The following SOHLH2 variants were observed in gnomAD, a reference collection of about 807,000 sequenced individuals.
SOHLH2 encodes the protein spermatogenesis and oogenesis specific basic helix-loop-helix 2, also known as spermatogenesis- and oogenesis-specific basic helix-loop-helix-containing protein 2.
In SOHLH2, 22 loss-of-function variants were observed where a neutral mutation model predicts 50.4. The ratio of observed to expected loss-of-function variants is 0.44; its 90% confidence interval spans 0.31 to 0.62. The LOEUF (loss-of-function observed/expected upper bound fraction) is 0.62. Ranked by LOEUF, SOHLH2 falls within the 20% of genes least tolerant of loss-of-function variation. SOHLH2 has a pLI of 0.08. For missense variants in SOHLH2, 412 were observed against 504.4 expected (o/e 0.82, Z 1.76); for synonymous variants, 185 against 187.3 (o/e 0.99, Z 0.10).
intron 6 of SOHLH2, among the ~76,000 whole-genome samples, chr13:36,177,251 A>G (rs1272624390): frequency 6.6e-6 from 1 of 152,124 alleles, no homozygotes; most frequent in African/African-American, 2.4e-5. Context: ...CCATATCAGC[A>G]GTTTGCTCCT....
chr13:36,184,460 C>CTTTTT lies in SOHLH2; in HGVS notation c.641+5481_641+5485dup, dbSNP rs1229884029. ...GATGGAAGTTTCTACCTACAAAGAC[C>CTTTTT]TTTTTTTTTTTTTTTTTTTGAGACG... is the stretch of plus-strand genomic sequence containing the variant. On this transcript the variant is annotated intron_variant, in intron 6 of 10. Transcript: ENST00000379881. Among the ~76,000 whole-genome samples the CTTTTT allele has an allele frequency of 2.8e-3, 344 of 121,082 alleles. 32 individuals carry two copies. Among genetic ancestry groups the CTTTTT allele is most frequent in the African/African-American group, 8.6e-3 (279 of 32,294 alleles). The allele number at this position is 121,082 out of a possible 152,430, so 79.4% of individuals were successfully genotyped here.
At chr13:36,191,450 G>C (rs964590774) in intron 5 of SOHLH2, among the ~76,000 whole-genome samples, 1 of 152,100 alleles carries the variant, frequency 6.6e-6, no homozygotes, top group African/African-American at 2.4e-5. Context: ...AAATATTGGG[G>C]TTCCATGTAA....
intron 1 of SOHLH2, among the ~76,000 whole-genome samples, chr13:36,203,202 A>G (rs1868531858): frequency 6.6e-6 from 1 of 152,200 alleles, no homozygotes; most frequent in South Asian, 2.1e-4. Context: ...TCAAACATAT[A>G]AGTACGATAC....
chr13:36,173,664 A>G (rs746736095), intron 9 of SOHLH2, 28 bp downstream of exon 9: 136 of 1,611,874 alleles, frequency 8.4e-5, no homozygotes, highest in Non-Finnish European at 1.0e-4. Flanking sequence ...TCCCCCTCTA[A>G]GTGGCACAGA....
intron 2 of SOHLH2, among the ~76,000 whole-genome samples, chr13:36,200,297 GT>G (rs1296455292): frequency 2.0e-5 from 3 of 152,130 alleles, no homozygotes; most frequent in Non-Finnish European, 2.9e-5. Flanking sequence ...TTTACAACAG[GT>G]TTTAGAAGTG....
intron 6 of SOHLH2, among the ~76,000 whole-genome samples, chr13:36,176,992 T>C (rs911846075): frequency 1.3e-5 from 2 of 152,026 alleles, no homozygotes; most frequent in Non-Finnish European, 2.9e-5. Flanking sequence ...ATTTGAAATA[T>C]ATATGTAACG....
intron 1 of SOHLH2, among the ~76,000 whole-genome samples, chr13:36,210,521 T>G (rs1273022431): frequency 6.6e-6 from 1 of 152,186 alleles, no homozygotes; most frequent in African/African-American, 2.4e-5. Context: ...ATTTGGTTGT[T>G]GTATCTCCTT....
intron 1 of SOHLH2, among the ~76,000 whole-genome samples, chr13:36,212,057 G>C (rs1254922072): frequency 6.6e-6 from 1 of 152,034 alleles, no homozygotes; most frequent in African/African-American, 2.4e-5. Flanking sequence ...AGAATCTCTC[G>C]GCCTTTTGGG....
At chr13:36,200,976 G>A (rs988661060) in intron 2 of SOHLH2, among the ~76,000 whole-genome samples, 3 of 150,234 alleles carry the variant, frequency 2.0e-5, no homozygotes, top group South Asian at 2.1e-4. Context: ...TTGAACCCGG[G>A]AGGTGCAGGT....
At chr13:36,174,330 T>C in intron 8 of SOHLH2, 146 bp downstream of exon 8, 1 of 943,316 alleles carries the variant, frequency 1.1e-6, no homozygotes, top group Non-Finnish European at 1.6e-6. Context: ...AACGAAATGA[T>C]ACACATCGGC....
At chr13:36,174,686 A>G (rs1887054761) in intron 7 of SOHLH2, 36 bp downstream of exon 7, 1 of 1,592,758 alleles carries the variant, frequency 6.3e-7, no homozygotes, top group African/African-American at 1.4e-5. Context: ...AAGCATGTCT[A>G]TAAGGATAAA....
chr13:36,195,041 C>T (rs1411038990), intron 2 of SOHLH2, among the ~76,000 whole-genome samples: 1 of 152,112 alleles, frequency 6.6e-6, no homozygotes, highest in Non-Finnish European at 1.5e-5. Context: ...TGGGGGATAT[C>T]ATGGTAAACA....
At chr13:36,181,518 C>T (rs1887256026) in intron 6 of SOHLH2, among the ~76,000 whole-genome samples, 1 of 152,056 alleles carries the variant, frequency 6.6e-6, no homozygotes, top group African/African-American at 2.4e-5. Flanking sequence ...CTAGGGATTA[C>T]AATATATATC....
chr13:36,211,438 G>A (rs758334004), intron 1 of SOHLH2, among the ~76,000 whole-genome samples: 1 of 152,208 alleles, frequency 6.6e-6, no homozygotes, highest in African/African-American at 2.4e-5. Context: ...AGCACAAGGT[G>A]AACAAACAAG....
At chr13:36,204,242 T>C (rs889367349) in intron 1 of SOHLH2, among the ~76,000 whole-genome samples, 9 of 152,272 alleles carry the variant, frequency 5.9e-5, no homozygotes, top group East Asian at 5.8e-4. Flanking sequence ...TGAGCCACCG[T>C]GCCCAGCCCT....
chr13:36,201,066 A>T (rs1039876293), intron 2 of SOHLH2, among the ~76,000 whole-genome samples: 6 of 150,812 alleles, frequency 4.0e-5, no homozygotes, highest in African/African-American at 1.5e-4. Flanking sequence ...AAAAAAAAAA[A>T]AAAAAGAAAA....
intron 6 of SOHLH2, chr13:36,183,085 C>T (rs932202850): frequency 1.1e-5 from 3 of 279,850 alleles, no homozygotes; most frequent in Non-Finnish European, 2.4e-5. Context: ...CTTTCTCTCT[C>T]TCTTGCTCCT....
intron 6 of SOHLH2, chr13:36,183,096 C>T (rs1486538144): frequency 3.3e-6 from 1 of 298,776 alleles, no homozygotes; most frequent in African/African-American, 2.1e-5. Flanking sequence ...TCTTGCTCCT[C>T]CTCTTGCTAT....
At chr13:36,193,321 C>T (rs1298546518) in intron 4 of SOHLH2, among the ~76,000 whole-genome samples, 1 of 152,160 alleles carries the variant, frequency 6.6e-6, no homozygotes, top group Admixed American at 6.5e-5. Flanking sequence ...AATGACACAG[C>T]ACAGTTAATT....
Sources: allele counts gnomAD v4.1 joint callset (sites outside exome capture counted in the v4.1 genomes callset), GRCh38; gene constraint gnomAD v4.1.1; transcripts MANE v1.5; gene names NCBI Gene and HGNC (gene_info 2026-07-23, HGNC 2026-07-21).